Variants in UNC13C observed in about 807,000 individuals in gnomAD.
UNC13C encodes the protein unc-13 homolog C.
UNC13C carries 174 observed loss-of-function variants against 245.4 expected under a neutral mutation model. The observed-to-expected ratio is 0.71, with a 90% CI of 0.63 to 0.80. The LOEUF (loss-of-function observed/expected upper bound fraction) is 0.80. Among genes scored for constraint, UNC13C ranks in the 30% least tolerant of loss-of-function variants. The pLI is 0.00. For synonymous variants in UNC13C, 992 were observed against 895.1 expected (o/e 1.11, Z -1.93); for missense variants, 2,829 against 2,602.9 (o/e 1.09, Z -1.89).
At chr15:54,620,578 C>A (rs1239539824) in intron 30 of UNC13C, among the ~76,000 whole-genome samples, 2 of 152,116 alleles carry the variant, frequency 1.3e-5, no homozygotes, top group South Asian at 2.1e-4. Flanking sequence ...CACATTAAAG[C>A]TTTGGCTCTA....
intron 17 of UNC13C, among the ~76,000 whole-genome samples, chr15:54,361,656 C>T (rs113007156): frequency 0.027 from 4,084 of 152,242 alleles, 71 homozygotes; most frequent in Non-Finnish European, 0.04. Context: ...CTACTTAGTA[C>T]CAAAAGTTAA....
the UNC13C span, among the ~76,000 whole-genome samples, chr15:53,876,384 G>T: frequency 1.3e-5 from 2 of 152,132 alleles, no homozygotes; most frequent in Non-Finnish European, 2.9e-5. Context: ...ATGGAGGCTC[G>T]AAGGATTGAC....
intron 19 of UNC13C, among the ~76,000 whole-genome samples, chr15:54,447,272 A>G (rs959119923): frequency 6.6e-6 from 1 of 151,900 alleles, no homozygotes; most frequent in African/African-American, 2.4e-5. Context: ...CTTTGGTATC[A>G]GGATGATACC....
intron 13 of UNC13C, among the ~76,000 whole-genome samples, chr15:54,303,855 A>G (rs1195889557): frequency 6.6e-6 from 1 of 152,088 alleles, no homozygotes; most frequent in African/African-American, 2.4e-5. Context: ...CTTCCAGGGC[A>G]CAGGTAGAGG....
intron 4 of UNC13C, among the ~76,000 whole-genome samples, chr15:54,202,878 A>C (rs2034567807): frequency 6.6e-6 from 1 of 151,986 alleles, no homozygotes; most frequent in Non-Finnish European, 1.5e-5. Flanking sequence ...GAGTTAACAG[A>C]CCATCAACAG....
chr15:54,248,504 A>G (rs1044000877), intron 7 of UNC13C, among the ~76,000 whole-genome samples: 1 of 152,104 alleles, frequency 6.6e-6, no homozygotes, highest in Non-Finnish European at 1.5e-5. Flanking sequence ...TTCTCAAAGA[A>G]CTCTTAACAG....
chr15:54,260,383 T>C (rs1199101521), intron 8 of UNC13C, among the ~76,000 whole-genome samples: 1 of 152,026 alleles, frequency 6.6e-6, no homozygotes. Context: ...TAAGATCATA[T>C]GCTGAGAATG....
intron 2 of UNC13C, among the ~76,000 whole-genome samples, chr15:54,099,283 T>C (rs1409592656): frequency 2.0e-5 from 3 of 152,158 alleles, no homozygotes; most frequent in South Asian, 4.1e-4. Flanking sequence ...CCTTTCTATC[T>C]TTCTCCCATG....
chr15:54,231,270 G>T (rs2035543620), intron 4 of UNC13C, among the ~76,000 whole-genome samples: 1 of 152,036 alleles, frequency 6.6e-6, no homozygotes, highest in Non-Finnish European at 1.5e-5. Context: ...AGAACATTAA[G>T]TCTGAGGTAA....
intron 2 of UNC13C, among the ~76,000 whole-genome samples, chr15:54,114,295 C>T (rs965609527): frequency 6.6e-6 from 1 of 152,158 alleles, no homozygotes; most frequent in African/African-American, 2.4e-5. Context: ...ATTGGAGTCT[C>T]CTTATTTGGC....
chr15:54,023,522 G>C (rs2141007175), intron 2 of UNC13C, among the ~76,000 whole-genome samples: 1 of 152,294 alleles, frequency 6.6e-6, no homozygotes, highest in Non-Finnish European at 1.5e-5. Flanking sequence ...CTAGTCACTT[G>C]AAAAGATTTT....
chr15:54,554,411 C>T lies in UNC13C; in HGVS notation c.5878-1021C>T, dbSNP rs542120535. Among the ~76,000 whole-genome samples the T allele has an allele frequency of 1.2e-4, 19 of 152,080 alleles. No individual in the cohort carries two copies. The South Asian group carries it at 3.1e-3, about 25-fold the overall frequency. ...TGAGCCCATGTTCCACTTGCCAAGC[C>T]GTATGTGTTAACTTGAAGCTGTCCT... On this transcript the variant is annotated intron_variant, in intron 28 of 32. Transcript: ENST00000260323.
At chr15:53,948,084 G>T in the UNC13C span, 2 of 152,132 alleles carry the variant, frequency 1.3e-5, no homozygotes, top group African/African-American at 4.8e-5. Context: ...AAAAGAGTAG[G>T]CTGGGAGTGT....
At chr15:54,495,690 G>A (rs867785120) in intron 20 of UNC13C, among the ~76,000 whole-genome samples, 10 of 151,948 alleles carry the variant, frequency 6.6e-5, no homozygotes, top group African/African-American at 2.4e-4. Context: ...AATAATGTAG[G>A]AAAAGTAGTT....
chr15:53,868,541 C>T, the UNC13C span, among the ~76,000 whole-genome samples: 2 of 152,118 alleles, frequency 1.3e-5, no homozygotes, highest in Non-Finnish European at 2.9e-5. Flanking sequence ...CTGCTCCCCA[C>T]AGGGTTCTTC....
At chr15:53,850,305 C>T in the UNC13C span, among the ~76,000 whole-genome samples, 1 of 151,950 alleles carries the variant, frequency 6.6e-6, no homozygotes, top group Admixed American at 6.6e-5. Context: ...GTCCCAGTTA[C>T]TTGGGAGACT....
chr15:54,564,010 A>T (rs766236412), intron 29 of UNC13C, among the ~76,000 whole-genome samples: 1 of 152,060 alleles, frequency 6.6e-6, no homozygotes, highest in Non-Finnish European at 1.5e-5. Flanking sequence ...AGGTTTTCAT[A>T]AAGTAGAATT....
chr15:53,992,493 G>T (rs1894435962), intron 1 of UNC13C, among the ~76,000 whole-genome samples: 1 of 152,042 alleles, frequency 6.6e-6, no homozygotes, highest in Admixed American at 6.6e-5. Context: ...TGAAGTGCTA[G>T]CCCCAACAAG....
intron 2 of UNC13C, among the ~76,000 whole-genome samples, chr15:54,133,126 A>G (rs753756308): frequency 6.6e-6 from 1 of 152,212 alleles, no homozygotes; most frequent in Non-Finnish European, 1.5e-5. Context: ...AAAATTCACT[A>G]CACATACCAA....
Sources: gnomAD v4.1 joint callset for allele counts (sites outside exome capture counted in the v4.1 genomes callset) on GRCh38, gnomAD v4.1.1 for gene constraint, MANE v1.5 for transcripts, NCBI Gene and HGNC (gene_info 2026-07-23, HGNC 2026-07-21) for gene names.